Variants in RAB40C observed in about 807,000 individuals in gnomAD.
RAB40C encodes the protein ras-related protein Rab-40C.
A neutral mutation model predicts 28.1 loss-of-function variants in RAB40C; 8 were observed. The observed-to-expected ratio is 0.28, with a 90% CI of 0.17 to 0.51. RAB40C has a LOEUF of 0.51. Ranked by LOEUF, RAB40C falls within the 20% of genes least tolerant of loss-of-function variation. The pLI is 0.97. For missense variants in RAB40C, 288 were observed against 405.9 expected (o/e 0.71, Z 2.50); for synonymous variants, 201 against 171.7 (o/e 1.17, Z -1.34).
chr16:615,626 G>A (rs921635892), intron 1 of RAB40C, among the ~76,000 whole-genome samples: 5 of 152,142 alleles, frequency 3.3e-5, no homozygotes, highest in Admixed American at 3.3e-4. Flanking sequence ...GTTTCTCTTG[G>A]ACTGACCTTT....
At chr16:600,749 C>T (rs761820946) in intron 1 of RAB40C, among the ~76,000 whole-genome samples, 1 of 152,108 alleles carries the variant, frequency 6.6e-6, no homozygotes, top group Non-Finnish European at 1.5e-5. Flanking sequence ...GAGACTCCAT[C>T]TCAAAAAAAT....
rs1157711667 is a variant in RAB40C at position 621,194 on chromosome 16, G to C, written c.264+2934G>C. On this transcript the variant is annotated intron_variant, in intron 3 of 5. Transcript: ENST00000248139. Reference sequence around the variant, plus strand: ...CCCGGGAGAAGCACCTGAGTCTCCAGGCGGGCCTCTGACCGCCGTGACTGA... The same window carrying C: ...CCCGGGAGAAGCACCTGAGTCTCCACGCGGGCCTCTGACCGCCGTGACTGA... Among the ~76,000 whole-genome samples, 4 of 152,352 alleles carry C rather than the reference G, an allele frequency of 2.6e-5. No individual in the cohort carries two copies. In the East Asian group the frequency reaches 7.7e-4, roughly 29 times the overall value.
At chr16:619,480 G>A (rs73485431) in intron 3 of RAB40C, among the ~76,000 whole-genome samples, 8 of 152,206 alleles carry the variant, frequency 5.3e-5, no homozygotes, top group African/African-American at 7.2e-5. Flanking sequence ...ATCTGCTGGC[G>A]AATGTGAGGC....
At chr16:608,123 C>A (rs943441893) in intron 1 of RAB40C, among the ~76,000 whole-genome samples, 1 of 152,106 alleles carries the variant, frequency 6.6e-6, no homozygotes, top group African/African-American at 2.4e-5. Flanking sequence ...TTAATTGACT[C>A]ACAGTTCCGC....
At chr16:623,345 TTTA>T (rs771905582) in intron 3 of RAB40C, among the ~76,000 whole-genome samples, 34 of 152,346 alleles carry the variant, frequency 2.2e-4, no homozygotes, top group South Asian at 1.0e-3. Context: ...TGTTCATACT[TTTA>T]TTTTTTAAAA....
chr16:626,313 G>A (rs966551665), intron 5 of RAB40C, among the ~76,000 whole-genome samples, 192 bp downstream of exon 5: 2 of 152,188 alleles, frequency 1.3e-5, no homozygotes, highest in Admixed American at 1.3e-4. Context: ...GGCAGCACTG[G>A]GGGGCACAGG....
At chr16:619,146 G>T (rs1229032512) in intron 3 of RAB40C, among the ~76,000 whole-genome samples, 1 of 147,992 alleles carries the variant, frequency 6.8e-6, no homozygotes, top group African/African-American at 2.5e-5. Flanking sequence ...TGTGTGCTCA[G>T]GTGTGGTGTA....
At chr16:607,257 G>A (rs1049448963) in intron 1 of RAB40C, among the ~76,000 whole-genome samples, 8 of 152,218 alleles carry the variant, frequency 5.3e-5, no homozygotes, top group African/African-American at 1.9e-4. Flanking sequence ...AGCGCTTTGG[G>A]AGGCCGAGGT....
At position 625,397 on chromosome 16, in the gene RAB40C, A is replaced by G. The variant is rs199762675; in HGVS notation, c.265-35A>G. ...TGGGCCTGGGCTGGCCATGCGTGTCAGTGACCCCTGATGACCCCCAAGTCT... is the reference window on the plus strand; with the variant it reads ...TGGGCCTGGGCTGGCCATGCGTGTCGGTGACCCCTGATGACCCCCAAGTCT... On this transcript the variant is annotated intron_variant, in intron 3 of 5. Coordinates refer to ENST00000248139, the MANE Select transcript of RAB40C (RefSeq NM_021168.5). 91 of 1,606,968 alleles carry G rather than the reference A, an allele frequency of 5.7e-5. No individual in the cohort carries two copies. The African/African-American group carries it at 1.0e-3, about 18-fold the overall frequency.
intron 1 of RAB40C, among the ~76,000 whole-genome samples, chr16:590,756 G>A (rs1038128829): frequency 1.3e-5 from 2 of 151,768 alleles, no homozygotes; most frequent in Non-Finnish European, 2.9e-5. Context: ...CCAGGGGAAG[G>A]TGTCATGGGT....
At chr16:613,005 A>G (rs1232583406) in intron 1 of RAB40C, among the ~76,000 whole-genome samples, 1 of 79,972 alleles carries the variant, frequency 1.3e-5, no homozygotes, top group Non-Finnish European at 2.5e-5. Context: ...ATCAAGAGCA[A>G]GGGACAGCCG....
intron 1 of RAB40C, among the ~76,000 whole-genome samples, chr16:598,990 C>G (rs1480435162): frequency 1.3e-5 from 2 of 152,186 alleles, no homozygotes; most frequent in African/African-American, 4.8e-5. Context: ...CGCCTGACTT[C>G]CTGGTCAGCA....
At chr16:613,484 G>A (rs951110959) in intron 1 of RAB40C, among the ~76,000 whole-genome samples, 1 of 152,276 alleles carries the variant, frequency 6.6e-6, no homozygotes, top group Non-Finnish European at 1.5e-5. Context: ...CGGATGGAGG[G>A]CCTGGCTTCT....
At chr16:608,635 C>T (rs557907275) in intron 1 of RAB40C, among the ~76,000 whole-genome samples, 192 of 152,196 alleles carry the variant, frequency 1.3e-3, no homozygotes, top group Non-Finnish European at 2.4e-3. Flanking sequence ...TTTAGGAGGC[C>T]GAGGCAGGCA....
chr16:608,785 A>G (rs754992366), intron 1 of RAB40C, among the ~76,000 whole-genome samples: 2 of 152,194 alleles, frequency 1.3e-5, no homozygotes, highest in Non-Finnish European at 2.9e-5. Flanking sequence ...AGGCACAAGA[A>G]TCACTTGAAC....
intron 1 of RAB40C, among the ~76,000 whole-genome samples, chr16:602,267 TG>T (rs2036268584): frequency 2.0e-5 from 3 of 151,620 alleles, no homozygotes; most frequent in South Asian, 2.1e-4. Flanking sequence ...TTTTTGGTTT[TG>T]TTTTTTTTTA....
intron 1 of RAB40C, among the ~76,000 whole-genome samples, chr16:614,348 G>A (rs1260730332): frequency 1.0e-5 from 1 of 99,966 alleles, no homozygotes. Context: ...GCCGCATCCC[G>A]ATGGTGAACT....
At chr16:617,988 C>CG (rs981277648) in intron 2 of RAB40C, among the ~76,000 whole-genome samples, 1 of 152,240 alleles carries the variant, frequency 6.6e-6, no homozygotes, top group East Asian at 1.9e-4. Flanking sequence ...CCCAGGTGGG[C>CG]GGGGGCCCCT....
intron 5 of RAB40C, 119 bp downstream of exon 5, chr16:626,240 C>T (rs922573785): frequency 9.7e-6 from 10 of 1,035,390 alleles, no homozygotes; most frequent in Admixed American, 6.1e-5. Flanking sequence ...CTTGGCAACG[C>T]GCAGTAGGGG....
Sources: gnomAD v4.1 joint callset for allele counts (sites outside exome capture counted in the v4.1 genomes callset) on GRCh38, gnomAD v4.1.1 for gene constraint, MANE v1.5 for transcripts, NCBI Gene and HGNC (gene_info 2026-07-23, HGNC 2026-07-21) for gene names.